Variants in UBAC2 observed in about 807,000 individuals in gnomAD.
UBAC2 encodes ubiquitin-associated domain-containing protein 2.
In UBAC2, 26 loss-of-function variants were observed where a neutral mutation model predicts 44.0. The observed-to-expected ratio is 0.59, with a 90% CI of 0.43 to 0.82. The LOEUF (loss-of-function observed/expected upper bound fraction) is 0.82. UBAC2 is among the 40% of genes least tolerant of loss of function. The pLI is 0.00. For synonymous variants in UBAC2, 155 were observed against 154.3 expected (o/e 1.00, Z -0.04); for missense variants, 329 against 419.4 (o/e 0.78, Z 1.88).
chr13:99,360,339 A>G (rs767161326), intron 7 of UBAC2, among the ~76,000 whole-genome samples: 2 of 152,228 alleles, frequency 1.3e-5, no homozygotes, highest in African/African-American at 4.8e-5. Context: ...TTTACGTTCT[A>G]TTTTAAATGT....
intron 4 of UBAC2, among the ~76,000 whole-genome samples, chr13:99,275,195 T>C (rs558807681): frequency 1.1e-4 from 17 of 152,142 alleles, no homozygotes; most frequent in African/African-American, 3.9e-4. Context: ...TGGCCTAGAG[T>C]CTCTCATGTG....
intron 1 of UBAC2, among the ~76,000 whole-genome samples, chr13:99,228,171 A>C (rs2043132164): frequency 6.6e-6 from 1 of 152,192 alleles, no homozygotes; most frequent in South Asian, 2.1e-4. Context: ...CGTTGCACTT[A>C]CATCACCCCT....
chr13:99,371,163 T>G (rs2045401037), intron 8 of UBAC2, among the ~76,000 whole-genome samples: 1 of 152,114 alleles, frequency 6.6e-6, no homozygotes, highest in Non-Finnish European at 1.5e-5. Context: ...TTGTTTTTTT[T>G]TTTGTTTAAT....
At chr13:99,274,864 C>T (rs765603878) in intron 4 of UBAC2, among the ~76,000 whole-genome samples, 53 of 151,444 alleles carry the variant, frequency 3.5e-4, no homozygotes, top group Admixed American at 1.3e-4. Context: ...ATTACAGGTG[C>T]GCACCACCAC....
At chr13:99,207,047 T>A (rs911018961) in intron 1 of UBAC2, among the ~76,000 whole-genome samples, 1 of 152,350 alleles carries the variant, frequency 6.6e-6, no homozygotes, top group African/African-American at 2.4e-5. Flanking sequence ...GCTTTTTCTT[T>A]ACCTTCATTC....
chr13:99,299,802 G>A (rs899397288), intron 4 of UBAC2, among the ~76,000 whole-genome samples: 4 of 152,110 alleles, frequency 2.6e-5, no homozygotes, highest in Non-Finnish European at 5.9e-5. Context: ...CTTGAGCATT[G>A]CTACCCCTTA....
intron 7 of UBAC2, among the ~76,000 whole-genome samples, chr13:99,350,374 G>A (rs1219496054): frequency 6.6e-6 from 1 of 152,178 alleles, no homozygotes; most frequent in African/African-American, 2.4e-5. Flanking sequence ...GAACTAATAA[G>A]TGATTAGAGG....
chr13:99,381,251 A>C (rs1354516414), intron 8 of UBAC2, among the ~76,000 whole-genome samples: 1 of 152,224 alleles, frequency 6.6e-6, no homozygotes, highest in African/African-American at 2.4e-5. Context: ...GCCCATTATC[A>C]GCATCCTGTG....
At chr13:99,269,990 G>A (rs927176661) in intron 4 of UBAC2, among the ~76,000 whole-genome samples, 1 of 152,202 alleles carries the variant, frequency 6.6e-6, no homozygotes, top group African/African-American at 2.4e-5. Context: ...ATAAAGGCGT[G>A]TGCTGTAGTT....
chr13:99,227,147 G>A (rs868262495), intron 1 of UBAC2, among the ~76,000 whole-genome samples: 8 of 151,462 alleles, frequency 5.3e-5, no homozygotes, highest in Admixed American at 2.6e-4. Context: ...GCAATGAGCC[G>A]AGATTGTGCC....
intron 4 of UBAC2, among the ~76,000 whole-genome samples, chr13:99,294,112 G>A (rs1024671390): frequency 2.6e-5 from 4 of 151,966 alleles, no homozygotes; most frequent in Admixed American, 6.6e-5. Context: ...CATTTTACTC[G>A]GATCGTATTT....
chr13:99,367,326 G>T (rs2045344688), intron 7 of UBAC2, among the ~76,000 whole-genome samples: 1 of 152,238 alleles, frequency 6.6e-6, no homozygotes, highest in Non-Finnish European at 1.5e-5. Flanking sequence ...GAAAGGTAGA[G>T]CAGGGGAGCA....
chr13:99,221,267 A>G (rs774362976), intron 1 of UBAC2, among the ~76,000 whole-genome samples: 4 of 152,118 alleles, frequency 2.6e-5, no homozygotes, highest in African/African-American at 4.8e-5. Context: ...CTGTGTTGCA[A>G]CCTCCACAAA....
chr13:99,362,036 C>T (rs1404827321), intron 7 of UBAC2, among the ~76,000 whole-genome samples: 2 of 151,892 alleles, frequency 1.3e-5, no homozygotes, highest in Non-Finnish European at 2.9e-5. Context: ...TATATATACT[C>T]GTGTTCTGAG....
chr13:99,324,835 A>G (rs1196533398), intron 6 of UBAC2, among the ~76,000 whole-genome samples: 1 of 152,162 alleles, frequency 6.6e-6, no homozygotes, highest in African/African-American at 2.4e-5. Flanking sequence ...AAGTAGGGGA[A>G]ATGACTGATA....
chr13:99,244,864 G>A (rs537065682), intron 4 of UBAC2, among the ~76,000 whole-genome samples: 1 of 148,272 alleles, frequency 6.7e-6, no homozygotes, highest in Non-Finnish European at 1.5e-5. Flanking sequence ...ACGGAGTCTC[G>A]CTCTGTCACC....
At chr13:99,242,130 T>C (rs1258109982) in intron 2 of UBAC2, among the ~76,000 whole-genome samples, 1 of 151,460 alleles carries the variant, frequency 6.6e-6, no homozygotes, top group Non-Finnish European at 1.5e-5. Context: ...GTCTCCCATG[T>C]CTACTTCTTT....
At chr13:99,250,022 C>T (rs2043438418) in intron 4 of UBAC2, among the ~76,000 whole-genome samples, 2 of 152,092 alleles carry the variant, frequency 1.3e-5, no homozygotes, top group South Asian at 4.1e-4. Context: ...TTTGTTTACT[C>T]TGTTGATAGT....
chr13:99,251,958 G>A (rs547189589), intron 4 of UBAC2, among the ~76,000 whole-genome samples: 3 of 152,250 alleles, frequency 2.0e-5, no homozygotes, highest in African/African-American at 4.8e-5. Context: ...ACAAGGTCTT[G>A]CCATGTTATC....
Sources: allele counts gnomAD v4.1 joint callset (sites outside exome capture counted in the v4.1 genomes callset), GRCh38; gene constraint gnomAD v4.1.1; transcripts MANE v1.5; gene names NCBI Gene and HGNC (gene_info 2026-07-23, HGNC 2026-07-21).